Variants in SYTL2 observed in about 807,000 individuals in gnomAD.
SYTL2 encodes the protein synaptotagmin like 2.
In SYTL2, 165 loss-of-function variants were observed where a neutral mutation model predicts 198.7. The ratio of observed to expected loss-of-function variants is 0.83; its 90% CI spans 0.73 to 0.94. The LOEUF (loss-of-function observed/expected upper bound fraction) is 0.94, where lower values mean the gene tolerates loss of function less well. Ranked by LOEUF, SYTL2 falls within the 40% of genes least tolerant of loss-of-function variation. SYTL2 has a pLI of 0.00. For synonymous variants in SYTL2, 966 were observed against 917.7 expected (o/e 1.05, Z -0.95); for missense variants, 2,835 against 2,582.8 (o/e 1.10, Z -2.12).
the SYTL2 span, among the ~76,000 whole-genome samples, chr11:85,844,395 T>C: frequency 6.6e-6 from 1 of 152,232 alleles, no homozygotes; most frequent in Non-Finnish European, 1.5e-5. Flanking sequence ...CTAATATTGG[T>C]ACATATTCCT....
chr11:85,851,373 A>G, the SYTL2 span, among the ~76,000 whole-genome samples: 1 of 152,240 alleles, frequency 6.6e-6, no homozygotes, highest in Non-Finnish European at 1.5e-5. Flanking sequence ...CAGTAAGTTC[A>G]TTCCTAGTTC....
chr11:85,789,362 A>ATATG, intron 1 of SYTL2, among the ~76,000 whole-genome samples: 1 of 58,208 alleles, frequency 1.7e-5, no homozygotes, highest in Non-Finnish European at 3.3e-5. Context: ...ATATATATAT[A>ATATG]TATATATATA....
chr11:85,748,941 T>C (rs2091339694), intron 2 of SYTL2, among the ~76,000 whole-genome samples: 1 of 152,180 alleles, frequency 6.6e-6, no homozygotes, highest in Non-Finnish European at 1.5e-5. Flanking sequence ...TTTTGGGTGA[T>C]ATGAGTTTAT....
chr11:85,779,040 TATAC>T (rs2153597262), intron 1 of SYTL2, among the ~76,000 whole-genome samples: 1 of 152,162 alleles, frequency 6.6e-6, no homozygotes, highest in African/African-American at 2.4e-5. Context: ...TGTAGTGTAC[TATAC>T]TATATATATT....
intron 7 of SYTL2, 104 bp from the exon 8 acceptor site, chr11:85,728,071 C>A: frequency 1.0e-6 from 1 of 980,590 alleles, no homozygotes; most frequent in Non-Finnish European, 1.5e-6. Context: ...TTTGCACTTT[C>A]TATACCAATA....
intron 11 of SYTL2, 74 bp downstream of exon 11, chr11:85,717,409 G>C (rs1212268046): frequency 1.6e-6 from 2 of 1,238,630 alleles, no homozygotes; most frequent in East Asian, 4.7e-5. Flanking sequence ...TTATTAATGG[G>C]GTTAGTTATT....
At chr11:85,787,701 CTT>C (rs56177666) in intron 1 of SYTL2, among the ~76,000 whole-genome samples, 1,467 of 90,350 alleles carry the variant, frequency 0.016, 13 homozygotes, top group African/African-American at 0.036. Context: ...TTTTCTTTTC[CTT>C]TTTTTTTTTT....
the SYTL2 span, among the ~76,000 whole-genome samples, chr11:85,839,020 C>CCCA: frequency 6.6e-6 from 1 of 152,124 alleles, no homozygotes; most frequent in Non-Finnish European, 1.5e-5. Flanking sequence ...ACTATAGATG[C>CCCA]CCACCACTGT....
In SYTL2 at chr11:85,724,481, T is replaced by C. The variant is rs748774317; in HGVS notation, c.4877A>G (p.Asn1626Ser). 79 of 1,613,742 alleles carry C rather than the reference T, an allele frequency of 4.9e-5. No individual in the cohort carries two copies. The highest frequency in any genetic ancestry group is 5.6e-5 in the Non-Finnish European group (66 of 1,179,974). The change falls in exon 8 of 20, where the codon AAT (asparagine) becomes AGT (serine). Residue 1626 changes from asparagine to serine, a missense_variant. Around this residue, in one of 3 missense-constraint regions of SYTL2, gnomAD observed 2,645 missense variants for 2,381.7 expected, o/e 1.11. Coordinates refer to ENST00000359152, the MANE Select transcript of SYTL2 (RefSeq NM_206927.4). The part of the protein sequence containing the change: ...SQTSEMKDKS[N>S]GLESQVNQCD... ...TTGGTTGACTTGAGATTCCAAACCA[T>C]TACTTTTATCCTTCATTTCAGAGGT...
rs755112653 is a variant in SYTL2, at chr11:85,695,286, G to A, written c.6629C>T (p.Ala2210Val). The change falls in exon 20 of 20, where the codon GCT becomes GTT. Residue 2210 changes from alanine to valine, a missense_variant. Physicochemically the swap from Ala to Val is moderately conservative, Grantham distance 64. This residue lies in a region of SYTL2 where 185 missense variants were observed against 182.1 expected (regional missense o/e 1.02). Transcript: ENST00000359152. The part of the protein sequence containing the change: ...DWMDSTSEEV[A>V]LWEKMVNSPN... ...GGAGTTTACCATCTTCTCCCAGAGA[G>A]CAACTTCCTCTGAAGTAGAGTCCAT... is the stretch of plus-strand genomic sequence containing the variant. The A allele has an allele frequency of 3.5e-5, 57 of 1,612,556 alleles. No individual in the cohort carries two copies. Among genetic ancestry groups the A allele is most frequent in the Non-Finnish European group, 4.8e-5 (57 of 1,178,878 alleles).
chr11:85,731,302 C>A (rs1591789930), intron 7 of SYTL2, among the ~76,000 whole-genome samples: 2 of 152,156 alleles, frequency 1.3e-5, no homozygotes, highest in African/African-American at 2.4e-5. Flanking sequence ...AAGAACAAAG[C>A]TGGAGGCATC....
intron 1 of SYTL2, among the ~76,000 whole-genome samples, chr11:85,805,418 C>T (rs567226339): frequency 3.2e-4 from 49 of 152,242 alleles, no homozygotes; most frequent in African/African-American, 1.1e-3. Context: ...AAAGAATCTG[C>T]CCTAAGAAAT....
the SYTL2 span, among the ~76,000 whole-genome samples, chr11:85,833,078 A>AGAAG: frequency 4.4e-5 from 2 of 45,324 alleles, no homozygotes; most frequent in Admixed American, 2.5e-4. Context: ...AAAGAAAGAA[A>AGAAG]GAAAGAAAGA....
At chr11:85,824,917 C>A in the SYTL2 span, among the ~76,000 whole-genome samples, 8 of 152,156 alleles carry the variant, frequency 5.3e-5, no homozygotes, top group Non-Finnish European at 1.0e-4. Flanking sequence ...ACTAGCACAG[C>A]TGAGATAGGG....
Position 85,725,758 on chromosome 11 carries a change from A to AACT in SYTL2, c.3597_3599dup (p.Val1200dup). On this transcript the variant is annotated inframe_insertion, in exon 8 of 20. Coordinates refer to ENST00000359152, the MANE Select transcript of SYTL2 (RefSeq NM_206927.4). ...AAGAGTTCCGTTTAACCTTTGGATGAACTACTGTTTTGTCAACATGCTCAT... is the reference window on the plus strand; with the variant it reads ...AAGAGTTCCGTTTAACCTTTGGATGAACTACTACTGTTTTGTCAACATGCTCAT... 1 of 1,614,158 alleles carries AACT rather than the reference A, an allele frequency of 6.2e-7. No individual in the cohort carries two copies.
At chr11:85,794,634 C>G (rs2092777265) in intron 1 of SYTL2, among the ~76,000 whole-genome samples, 1 of 152,142 alleles carries the variant, frequency 6.6e-6, no homozygotes, top group Admixed American at 6.6e-5. Flanking sequence ...AGGAAACTTG[C>G]ATTTATCAAG....
chr11:85,710,189 C>T (rs887590108), intron 13 of SYTL2, among the ~76,000 whole-genome samples: 2 of 152,130 alleles, frequency 1.3e-5, no homozygotes, highest in Non-Finnish European at 2.9e-5. Context: ...TGACACACTG[C>T]TGTATCGAAT....
At chr11:85,735,699 G>A (rs475491) in intron 6 of SYTL2, among the ~76,000 whole-genome samples, 101,903 of 151,844 alleles carry the variant, frequency 0.67, 34,744 homozygotes, top group African/African-American at 0.79. Context: ...GAAGGGTGCA[G>A]TGAGCCGAGA....
chr11:85,849,875 G>A, the SYTL2 span, among the ~76,000 whole-genome samples: 8 of 138,094 alleles, frequency 5.8e-5, no homozygotes, highest in African/African-American at 2.1e-4. Flanking sequence ...AATTACCTTG[G>A]GCAGTATGGC....
Sources: gnomAD v4.1 joint callset for allele counts (sites outside exome capture counted in the v4.1 genomes callset) on GRCh38, gnomAD v4.1.1 for gene constraint, gnomAD v4.1.1 regional missense constraint, MANE v1.5 for transcripts, NCBI Gene and HGNC (gene_info 2026-07-23, HGNC 2026-07-21) for gene names.